RABGAP1: variants seen among roughly 807,000 people sequenced by gnomAD.
The protein encoded by RABGAP1 is RAB GTPase activating protein 1, also known as rab GTPase-activating protein 1.
In RABGAP1, 23 loss-of-function variants were observed where a neutral mutation model predicts 137.6. That is an observed-to-expected ratio of 0.17 (90% CI 0.12 to 0.24). The LOEUF (loss-of-function observed/expected upper bound fraction) is 0.24. Ranked by LOEUF, RABGAP1 falls within the 10% of genes least tolerant of loss-of-function variation. The pLI is 1.00. For missense variants in RABGAP1, 906 were observed against 1,275.8 expected (o/e 0.71, Z 4.42); for synonymous variants, 451 against 450.7 (o/e 1.00, Z -0.01).
chr9:122,989,229 C>A, intron 4 of RABGAP1, 68 bp from the exon 5 acceptor site: 1 of 1,372,016 alleles, frequency 7.3e-7, no homozygotes, highest in Non-Finnish European at 1.0e-6. Flanking sequence ...AGTCTCACAT[C>A]TTAATCTAAA....
At chr9:122,969,600 C>G (rs1835365618) in intron 2 of RABGAP1, among the ~76,000 whole-genome samples, 1 of 151,882 alleles carries the variant, frequency 6.6e-6, no homozygotes, top group Non-Finnish European at 1.5e-5. Context: ...CTTTTTGAAA[C>G]CTTGTATCGT....
At chr9:122,931,751 C>T in the RABGAP1 span, among the ~76,000 whole-genome samples, 1 of 152,246 alleles carries the variant, frequency 6.6e-6, no homozygotes, top group Admixed American at 6.5e-5. Flanking sequence ...GCGTCTGTGG[C>T]TCAGGCCCTG....
intron 2 of RABGAP1, among the ~76,000 whole-genome samples, chr9:122,974,009 C>CAA (rs200773283): frequency 1.1e-4 from 14 of 124,716 alleles, no homozygotes; most frequent in Admixed American, 2.4e-4. Context: ...TCGTCTCAAA[C>CAA]CAAAAAAAAA....
intron 21 of RABGAP1, among the ~76,000 whole-genome samples, chr9:123,091,119 G>A (rs1362322118): frequency 6.6e-6 from 1 of 152,166 alleles, no homozygotes; most frequent in African/African-American, 2.4e-5. Context: ...CCAGTTAAAA[G>A]CTTTATTTAC....
chr9:123,020,559 A>G, intron 13 of RABGAP1, 100 bp downstream of exon 13: 6 of 1,178,954 alleles, frequency 5.1e-6, no homozygotes, highest in Non-Finnish European at 6.6e-6. Flanking sequence ...TTTATTATTA[A>G]TTTATTTAAG....
chr9:122,978,699 A>G (rs1478835079), intron 2 of RABGAP1, among the ~76,000 whole-genome samples: 1 of 152,140 alleles, frequency 6.6e-6, no homozygotes, highest in Non-Finnish European at 1.5e-5. Flanking sequence ...TGGGTAACTA[A>G]TACCTAAGAG....
intron 6 of RABGAP1, chr9:122,990,753 G>A (rs1212427484): frequency 1.0e-5 from 1 of 95,304 alleles, no homozygotes; most frequent in Non-Finnish European, 1.8e-5. Flanking sequence ...TGGGCAACGA[G>A]AACGAAACTC....
At chr9:122,990,792 AAAAAATATATATATATATATATATATAT>A (rs1836663053) in intron 6 of RABGAP1, 4 of 48,494 alleles carry the variant, frequency 8.2e-5, no homozygotes, top group South Asian at 2.0e-3. Context: ...AAAAAAAAAA[AAAAAATATATATATATATATATATATAT>A]ATATATATAT....
chr9:123,036,435 C>G (rs2032665108), intron 13 of RABGAP1, among the ~76,000 whole-genome samples: 1 of 152,168 alleles, frequency 6.6e-6, no homozygotes, highest in Admixed American at 6.5e-5. Flanking sequence ...GCAAAATGTG[C>G]TTAAGCTAAA....
chr9:123,057,131 G>T (rs1192068000), intron 13 of RABGAP1, among the ~76,000 whole-genome samples: 3 of 149,374 alleles, frequency 2.0e-5, no homozygotes, highest in Non-Finnish European at 4.5e-5. Flanking sequence ...CCTCCCGGAC[G>T]GGGCGGCTGG....
chr9:123,078,683 C>T (rs544638929), intron 19 of RABGAP1, among the ~76,000 whole-genome samples: 16 of 152,250 alleles, frequency 1.1e-4, no homozygotes, highest in African/African-American at 3.6e-4. Context: ...TCCAAAATCC[C>T]CTTTCTCAGT....
intron 2 of RABGAP1, among the ~76,000 whole-genome samples, chr9:122,972,141 T>G (rs1428851695): frequency 6.6e-6 from 1 of 152,140 alleles, no homozygotes; most frequent in African/African-American, 2.4e-5. Flanking sequence ...TGTAACAGAT[T>G]ACCTCTGCCC....
chr9:123,016,001 C>T lies in RABGAP1; in HGVS notation c.1643+365C>T, dbSNP rs78263515. Among the ~76,000 whole-genome samples, 998 of 152,026 alleles carry T rather than the reference C, an allele frequency of 6.6e-3. 16 individuals carry two copies. Among genetic ancestry groups the T allele is most frequent in the African/African-American group, 0.023 (957 of 41,482 alleles). ...ACAATGCATAGAGCCATGGTAGAGA[C>T]CCCAGGTAGGATTTTTCCCTTATCT... is the stretch of plus-strand genomic sequence containing the variant. On this transcript the variant is annotated intron_variant, in intron 12 of 25. Transcript: ENST00000373647.
Position 122,997,253 on chromosome 9 carries a change from T to C in RABGAP1, c.1102-6T>C. 3 of 1,594,242 alleles carry C rather than the reference T, an allele frequency of 1.9e-6. No individual in the cohort carries two copies. Among genetic ancestry groups the C allele is most frequent in the Non-Finnish European group, 2.6e-6 (3 of 1,169,446 alleles). On this transcript the variant is annotated splice_region_variant and splice_polypyrimidine_tract_variant and intron_variant, in intron 8 of 25. Transcript: ENST00000373647. ...ATTCGGGTTTATTTTTACTCTTTTT[T>C]TCTAGGAATCTATGGGCAAAAGTTC...
intron 2 of RABGAP1, among the ~76,000 whole-genome samples, chr9:122,958,385 T>TG (rs1834657562): frequency 6.6e-6 from 1 of 152,094 alleles, no homozygotes; most frequent in African/African-American, 2.4e-5. Flanking sequence ...AGAAAATAAA[T>TG]ATATCAAGTA....
chr9:122,997,539 C>T (rs1392495936), intron 9 of RABGAP1, among the ~76,000 whole-genome samples, 178 bp downstream of exon 9: 2 of 152,042 alleles, frequency 1.3e-5, no homozygotes, highest in Non-Finnish European at 2.9e-5. Flanking sequence ...TCACTTTTTC[C>T]CACTTTTCCA....
rs59947456 is a variant in RABGAP1, at chr9:123,004,252, G to T, written c.1374+5486G>T. 6.5e-3 allele frequency among the ~76,000 whole-genome samples: 996 copies of T among 152,172 alleles called. 16 individuals carry two copies. The highest frequency in any genetic ancestry group is 0.023 in the African/African-American group (954 of 41,522). On this transcript the variant is annotated intron_variant, in intron 10 of 25. Transcript: ENST00000373647. ...GACACTTAGCAAGTAATCTTTGGGG[G>T]TGACGCTTTGGCAACTTCCAAATAT...
In RABGAP1 at chr9:123,098,773, GTTC is replaced by G; in HGVS notation, c.2794_2796del (p.Ser932del). On this transcript the variant is annotated inframe_deletion, in exon 23 of 26. Coordinates refer to ENST00000373647, the MANE Select transcript of RABGAP1 (RefSeq NM_012197.4). The stretch of plus-strand genomic sequence containing the variant: ...GCAGAATCTGAGATTAAAAAAAACA[GTTC>G]TATCATTGGTGACTATAAGCAGGTA... The G allele has an allele frequency of 6.2e-7, 1 of 1,613,838 alleles. No individual in the cohort carries two copies. Among genetic ancestry groups the G allele is most frequent in the Non-Finnish European group, 8.5e-7 (1 of 1,179,836 alleles).
chr9:123,026,466 A>G (rs910893115), intron 13 of RABGAP1, among the ~76,000 whole-genome samples: 7 of 152,202 alleles, frequency 4.6e-5, no homozygotes, highest in Non-Finnish European at 8.8e-5. Context: ...TACATAATCT[A>G]TCAACATGTG....
Sources: allele counts gnomAD v4.1 joint callset (sites outside exome capture counted in the v4.1 genomes callset), GRCh38; gene constraint gnomAD v4.1.1; transcripts MANE v1.5; gene names NCBI Gene and HGNC (gene_info 2026-07-23, HGNC 2026-07-21).